Variants in CEP295 observed in about 807,000 individuals in gnomAD.
CEP295 encodes centrosomal protein of 295 kDa.
Under a neutral mutation model 291.6 loss-of-function variants are expected in CEP295, and 190 were observed. The observed-to-expected ratio is 0.65, with a 90% confidence interval of 0.58 to 0.73. The LOEUF (loss-of-function observed/expected upper bound fraction) is 0.73, where lower values mean the gene tolerates loss of function less well. CEP295 is among the 30% of genes least tolerant of loss of function. The pLI is 0.00. For synonymous variants in CEP295, 993 were observed against 1,038.8 expected (o/e 0.96, Z 0.85); for missense variants, 2,863 against 2,949.4 (o/e 0.97, Z 0.68).
Position 93,697,851 on chromosome 11 carries a change from G to T in CEP295, c.2939G>T (p.Ser980Ile). The T allele has an allele frequency of 1.3e-6, 2 of 1,551,750 alleles. No homozygotes were observed. The highest frequency in any genetic ancestry group is 2.4e-5 in the South Asian group (2 of 84,062). Residue 980 changes from serine (S) to isoleucine (I), a missense_variant, in exon 15 of 30, where the codon AGT becomes ATT. Physicochemically the swap from Ser to Ile is moderately radical, Grantham distance 142. Around this residue, in one of 3 missense-constraint regions of CEP295, gnomAD observed 2,295 missense variants for 2,335.7 expected, o/e 0.98. Coordinates refer to ENST00000325212, the MANE Select transcript of CEP295 (RefSeq NM_033395.2). Reference sequence around the variant, plus strand: ...GAAGTATTGTATGTACATAAACAGAGTGAATTGGATAGAAGAGTATGTTCC... The same window carrying T: ...GAAGTATTGTATGTACATAAACAGATTGAATTGGATAGAAGAGTATGTTCC... ...AQEVLYVHKQ[S>I]ELDRRVCSEQ...
At position 93,724,366 on chromosome 11, in the gene CEP295, C is replaced by G. The variant is rs78544176; in HGVS notation, c.6309C>G (p.Asp2103Glu). ...CTGGGATTTCTCCAGACAACAGAGA[C>G]TTTTACCAGGTATATTAAAGTAGAT... ...SSSGISPDNR[D>E]FYQRSDSSSE... is the part of the protein sequence containing the mutation. Residue 2103 changes from aspartate to glutamate, a missense_variant, in exon 22 of 30, where the codon GAC (aspartate) becomes GAG (glutamate). Asp to Glu is a conservative substitution (Grantham distance 45). Coordinates refer to ENST00000325212, the MANE Select transcript of CEP295 (RefSeq NM_033395.2). The G allele has an allele frequency of 0.06, 92,787 of 1,546,140 alleles. 3,300 individuals are homozygous for G. The highest frequency in any genetic ancestry group is 0.072 in the Non-Finnish European group (81,823 of 1,142,344).
At position 93,687,646 on chromosome 11, in the gene CEP295, C is replaced by T. The variant is rs1181907086; in HGVS notation, c.1117C>T (p.Pro373Ser). Reference sequence around the variant, plus strand: ...TTTTCCCTTTTTCTTTCTTTTAGTTCCCTTGGTAATGAAGACCCAACAGAT... The same window carrying T: ...TTTTCCCTTTTTCTTTCTTTTAGTTTCCTTGGTAATGAAGACCCAACAGAT... ...AEICSSETDV[P>S]LVMKTQQIPS... Residue 373 changes from proline (P) to serine (S), a missense_variant and splice_region_variant, in exon 10 of 30, where the codon CCC becomes TCC. Pro to Ser is a moderately conservative substitution (Grantham distance 74). Transcript: ENST00000325212. The T allele has an allele frequency of 2.0e-6, 3 of 1,479,784 alleles. No homozygotes were observed. The highest frequency in any genetic ancestry group is 2.6e-5 in the South Asian group (2 of 78,182). The allele number at this position is 1,479,784 out of a possible 1,614,324, so 91.7% of individuals were successfully genotyped here. A position where few individuals can be genotyped will look rare whatever the true frequency, so the allele number is the denominator to read the frequency against.
chr11:93,689,642 C>A (rs1016651438), intron 10 of CEP295, among the ~76,000 whole-genome samples: 1 of 152,100 alleles, frequency 6.6e-6, no homozygotes, highest in Non-Finnish European at 1.5e-5. Flanking sequence ...ACTTCCTATC[C>A]CCTTTACCCT....
chr11:93,713,706 C>T (rs538721956), intron 18 of CEP295, among the ~76,000 whole-genome samples: 74 of 152,148 alleles, frequency 4.9e-4, no homozygotes, highest in African/African-American at 6.5e-4. Flanking sequence ...TGATATTTTT[C>T]GCTAGGTTTG....
At chr11:93,693,354 C>G (rs182070578) in intron 12 of CEP295, among the ~76,000 whole-genome samples, 3 of 152,016 alleles carry the variant, frequency 2.0e-5, no homozygotes, top group Non-Finnish European at 2.9e-5. Context: ...CCCAACTTAC[C>G]TCGAAGGAGG....
chr11:93,707,336 A>C (rs36120317), intron 18 of CEP295, among the ~76,000 whole-genome samples: 1 of 152,206 alleles, frequency 6.6e-6, no homozygotes, highest in Non-Finnish European at 1.5e-5. Context: ...AAAGACAGCC[A>C]ATGTTAATCT....
chr11:93,667,464 T>C, intron 2 of CEP295, 143 bp from the exon 3 acceptor site: 2 of 595,052 alleles, frequency 3.4e-6, no homozygotes, highest in Non-Finnish European at 5.8e-6. Context: ...CTGCTTTAAA[T>C]AGTCTTTATC....
chr11:93,663,593 A>C (rs1950082580), intron 1 of CEP295, among the ~76,000 whole-genome samples: 1 of 152,218 alleles, frequency 6.6e-6, no homozygotes, highest in Admixed American at 6.5e-5. Flanking sequence ...GATTTTGATC[A>C]TTGTACCATG....
Position 93,699,900 on chromosome 11 carries a change from C to A in CEP295, c.4988C>A (p.Ala1663Asp), listed in dbSNP as rs1952045773. The A allele has an allele frequency of 6.4e-7, 1 of 1,551,724 alleles. No homozygotes were observed. The highest frequency in any genetic ancestry group is 2.4e-5 in the East Asian group (1 of 40,920). ...HSFIPLPFAE[A>D]KPKSTCELYS... ...TTTATTCCACTACCTTTTGCAGAAG[C>A]TAAACCTAAAAGCACTTGTGAATTG... The change falls in exon 15 of 30, where the codon GCT (alanine) becomes GAT (aspartate). Residue 1663 changes from alanine to aspartate, a missense_variant. Around this residue, in one of 3 missense-constraint regions of CEP295, gnomAD observed 2,295 missense variants for 2,335.7 expected, o/e 0.98. Coordinates refer to ENST00000325212, the MANE Select transcript of CEP295 (RefSeq NM_033395.2).
intron 4 of CEP295, 44 bp downstream of exon 4, chr11:93,668,976 G>T: frequency 1.1e-6 from 1 of 931,224 alleles, no homozygotes; most frequent in East Asian, 2.7e-5. Context: ...AAACTAACAT[G>T]GTTGAAAGTA....
At chr11:93,681,339 C>T (rs1259031105) in intron 7 of CEP295, among the ~76,000 whole-genome samples, 1 of 144,102 alleles carries the variant, frequency 6.9e-6, no homozygotes, top group African/African-American at 2.6e-5. Context: ...CGGATTCTAG[C>T]AATTCTCCTG....
chr11:93,674,853 G>A (rs2134866032), intron 5 of CEP295, among the ~76,000 whole-genome samples: 1 of 152,144 alleles, frequency 6.6e-6, no homozygotes, highest in South Asian at 2.1e-4. Context: ...TGAAGCCAGG[G>A]GCCATTATTT....
At chr11:93,720,250 A>G (rs1953599052) in intron 18 of CEP295, among the ~76,000 whole-genome samples, 1 of 151,988 alleles carries the variant, frequency 6.6e-6, no homozygotes, top group Non-Finnish European at 1.5e-5. Context: ...AGGTGGGCGG[A>G]TCACCTGAGG....
At chr11:93,704,247 T>C (rs1410123890) in intron 17 of CEP295, among the ~76,000 whole-genome samples, 1 of 152,042 alleles carries the variant, frequency 6.6e-6, no homozygotes, top group African/African-American at 2.4e-5. Context: ...GTATAGTAGT[T>C]GAAAAAAAAG....
chr11:93,726,100 T>G (rs1954112457), intron 23 of CEP295, among the ~76,000 whole-genome samples: 1 of 152,024 alleles, frequency 6.6e-6, no homozygotes, highest in Admixed American at 6.6e-5. Context: ...AAGTATTATT[T>G]TTTTGTTTGT....
chr11:93,673,314 G>A (rs979837549), intron 5 of CEP295, among the ~76,000 whole-genome samples: 3 of 152,100 alleles, frequency 2.0e-5, no homozygotes, highest in Admixed American at 1.3e-4. Flanking sequence ...GTATATGTAT[G>A]CTAGTTAATG....
At chr11:93,670,399 A>G (rs966696052) in intron 5 of CEP295, among the ~76,000 whole-genome samples, 1 of 2,824 alleles carries the variant, frequency 3.5e-4, no homozygotes, top group Non-Finnish European at 0.01. Context: ...ATTTTTTTTA[A>G]AAAAATGTAA....
At chr11:93,691,830 T>TA (rs1951568030) in intron 11 of CEP295, 55 bp downstream of exon 11, 2 of 1,306,458 alleles carry the variant, frequency 1.5e-6, no homozygotes, top group Non-Finnish European at 2.1e-6. Flanking sequence ...ATCTTTTTTT[T>TA]AAATAAAATT....
chr11:93,706,918 G>T, intron 18 of CEP295, 21 bp downstream of exon 18: 1 of 1,509,870 alleles, frequency 6.6e-7, no homozygotes, highest in Non-Finnish European at 8.9e-7. Flanking sequence ...AATGGAAAGT[G>T]GAATTGTATG....
Sources: allele counts gnomAD v4.1 joint callset (sites outside exome capture counted in the v4.1 genomes callset), GRCh38; gene constraint gnomAD v4.1.1; regional missense constraint gnomAD v4.1.1; transcripts MANE v1.5; gene names NCBI Gene and HGNC (gene_info 2026-07-23, HGNC 2026-07-21).